Variants in MARCHF1 observed in about 807,000 individuals in gnomAD.
The protein encoded by MARCHF1 is E3 ubiquitin-protein ligase MARCHF1.
A neutral mutation model predicts 54.2 loss-of-function variants in MARCHF1; 40 were observed. The ratio of observed to expected loss-of-function variants is 0.74; its 90% CI spans 0.57 to 0.96. MARCHF1 has a LOEUF of 0.96. MARCHF1 is among the 40% of genes least tolerant of loss of function. MARCHF1 has a pLI of 0.00. For missense variants in MARCHF1, 586 were observed against 656.5 expected, an observed-to-expected ratio of 0.89 and a Z score of 1.17; for synonymous variants, 236 against 236.3, an observed-to-expected ratio of 1.00 and a Z score of 0.01.
chr4:163,652,102 C>T (rs1203409699), intron 5 of MARCHF1, among the ~76,000 whole-genome samples: 1 of 151,762 alleles, frequency 6.6e-6, no homozygotes, highest in African/African-American at 2.4e-5. Context: ...TGGATAATGC[C>T]TATTTATCTT....
intron 3 of MARCHF1, among the ~76,000 whole-genome samples, chr4:163,958,144 T>C (rs1392029976): frequency 1.3e-5 from 2 of 152,020 alleles, no homozygotes; most frequent in East Asian, 3.9e-4. Flanking sequence ...CAGGAACATC[T>C]TTGCCTTCAG....
intron 3 of MARCHF1, among the ~76,000 whole-genome samples, chr4:163,892,994 G>A (rs1241213015): frequency 6.6e-6 from 1 of 151,902 alleles, no homozygotes; most frequent in Non-Finnish European, 1.5e-5. Context: ...ATAGCAAAAC[G>A]ACCCTGAACT....
intron 5 of MARCHF1, among the ~76,000 whole-genome samples, chr4:163,677,989 A>C (rs1561013635): frequency 6.6e-6 from 1 of 152,182 alleles, no homozygotes; most frequent in East Asian, 1.9e-4. Context: ...TCATATGAAA[A>C]ATTCCAAGAA....
intron 7 of MARCHF1, among the ~76,000 whole-genome samples, chr4:163,609,213 C>A (rs1741242032): frequency 6.6e-6 from 1 of 152,044 alleles, no homozygotes; most frequent in African/African-American, 2.4e-5. Context: ...ATATTGTCTG[C>A]TGGACAGCTG....
chr4:164,041,243 A>G (rs1754122414), intron 2 of MARCHF1, among the ~76,000 whole-genome samples: 2 of 152,172 alleles, frequency 1.3e-5, no homozygotes, highest in South Asian at 2.1e-4. Flanking sequence ...ATATTTAGCT[A>G]TGGAGCTGAG....
At chr4:164,178,331 C>T (rs1730744616) in intron 1 of MARCHF1, among the ~76,000 whole-genome samples, 1 of 152,170 alleles carries the variant, frequency 6.6e-6, no homozygotes, top group African/African-American at 2.4e-5. Flanking sequence ...ACAGAAAAGC[C>T]TCTGGACAGA....
At chr4:163,590,057 GGTGT>G (rs34885496) in intron 7 of MARCHF1, among the ~76,000 whole-genome samples, 6 of 146,240 alleles carry the variant, frequency 4.1e-5, no homozygotes, top group Admixed American at 1.4e-4. Context: ...TTTAGATTTT[GGTGT>G]GTGTGTGTGT....
intron 3 of MARCHF1, among the ~76,000 whole-genome samples, chr4:163,872,686 T>C (rs910039522): frequency 5.9e-5 from 9 of 152,296 alleles, no homozygotes; most frequent in Admixed American, 1.3e-4. Context: ...TGTGTATGTG[T>C]GTGCGTGTGT....
At chr4:164,359,259 T>C (rs1730655296) in intron 1 of MARCHF1, among the ~76,000 whole-genome samples, 1 of 152,200 alleles carries the variant, frequency 6.6e-6, no homozygotes, top group Non-Finnish European at 1.5e-5. Flanking sequence ...AGTTCTCTAT[T>C]CATGAAAGAA....
chr4:164,329,976 T>G (rs1382299340), intron 1 of MARCHF1: 1 of 152,256 alleles, frequency 6.6e-6, no homozygotes, highest in Admixed American at 6.5e-5. Flanking sequence ...CAGGGATGTC[T>G]CATTTTGCTC....
intron 3 of MARCHF1, among the ~76,000 whole-genome samples, chr4:163,977,846 A>T (rs1043219365): frequency 1.3e-5 from 2 of 152,212 alleles, no homozygotes; most frequent in African/African-American, 4.8e-5. Context: ...GAACTTTTTC[A>T]TTCATTATTA....
At chr4:163,821,136 A>G (rs1029036287) in intron 4 of MARCHF1, among the ~76,000 whole-genome samples, 1 of 151,974 alleles carries the variant, frequency 6.6e-6, no homozygotes, top group African/African-American at 2.4e-5. Flanking sequence ...TGCTTATAGT[A>G]TGCATACCCT....
rs552395204 is a variant in MARCHF1 at position 163,872,916 on chromosome 4, C to T, written c.-38-18747G>A. 1.8e-4 allele frequency among the ~76,000 whole-genome samples: 28 copies of T among 151,978 alleles called. No individual in the cohort carries two copies. The South Asian group carries it at 4.2e-3, about 23-fold the overall frequency. On this transcript the variant is annotated intron_variant, in intron 3 of 9. Transcript: ENST00000514618. Reference sequence around the variant, plus strand: ...AAAATTAGCCGGGCGTGGTGGCGGGCGCCTGTAGTCCCAGCTACTCGGGAG... The same window carrying T: ...AAAATTAGCCGGGCGTGGTGGCGGGTGCCTGTAGTCCCAGCTACTCGGGAG...
intron 4 of MARCHF1, among the ~76,000 whole-genome samples, chr4:163,837,130 AC>A (rs1749211219): frequency 6.6e-6 from 1 of 152,164 alleles, no homozygotes; most frequent in Non-Finnish European, 1.5e-5. Flanking sequence ...AATCAAACAT[AC>A]CATTTTCATG....
intron 1 of MARCHF1, among the ~76,000 whole-genome samples, chr4:164,323,597 C>CA (rs70952622): frequency 0.68 from 21,133 of 30,942 alleles, 9,498 homozygotes; most frequent in Non-Finnish European, 0.77. Flanking sequence ...GGATGAGTAG[C>CA]AAAAAAAAAA....
chr4:163,720,820 GTCTC>G (rs958430351), intron 4 of MARCHF1, among the ~76,000 whole-genome samples: 1 of 151,906 alleles, frequency 6.6e-6, no homozygotes, highest in Non-Finnish European at 1.5e-5. Context: ...CATGATTTGG[GTCTC>G]TCTTTGTCTG....
At chr4:164,213,324 C>T (rs1731834425) in intron 1 of MARCHF1, among the ~76,000 whole-genome samples, 1 of 151,532 alleles carries the variant, frequency 6.6e-6, no homozygotes, top group African/African-American at 2.4e-5. Flanking sequence ...AGCTCCGCCT[C>T]CCAGGTTCAC....
At chr4:163,560,020 A>ATATG (rs1205893289) in intron 8 of MARCHF1, among the ~76,000 whole-genome samples, 2 of 151,580 alleles carry the variant, frequency 1.3e-5, no homozygotes, top group African/African-American at 4.9e-5. Context: ...ATTTTCCAAT[A>ATATG]TATGGCTTGT....
At chr4:163,644,034 C>A (rs533646510) in intron 5 of MARCHF1, among the ~76,000 whole-genome samples, 1 of 142,038 alleles carries the variant, frequency 7.0e-6, no homozygotes, top group Non-Finnish European at 1.6e-5. Context: ...ATAATGCCCA[C>A]GCCTCTTCAA....
Sources: allele counts gnomAD v4.1 joint callset (sites outside exome capture counted in the v4.1 genomes callset), GRCh38; gene constraint gnomAD v4.1.1; transcripts MANE v1.5; gene names NCBI Gene and HGNC (gene_info 2026-07-23, HGNC 2026-07-21).